ZNF234: variants seen among roughly 807,000 people sequenced by gnomAD.
ZNF234 encodes C2-H2 type zinc finger protein.
ZNF234 carries 4 observed loss-of-function variants against 10.3 expected under a neutral mutation model. The observed-to-expected ratio is 0.39, with a 90% CI of 0.19 to 0.89. ZNF234 has a LOEUF of 0.89. Ranked by LOEUF, ZNF234 falls within the 40% of genes least tolerant of loss-of-function variation. The probability of loss-of-function intolerance (pLI) is 0.38; values close to 1 mark genes in which losing one functional copy is unlikely to be tolerated. For synonymous variants in ZNF234, 258 were observed against 280.1 expected (o/e 0.92, Z 0.79); for missense variants, 711 against 836.1 (o/e 0.85, Z 1.85).
At position 44,151,635 on chromosome 19, in the gene ZNF234, G is replaced by A. The variant is rs182125799; in HGVS notation, c.235+1130G>A. ...TACGCTGAAATCAAGCTGTCAGCCC[G>A]TCCCTGTTTCTTCCCGGAGGCTCTA... is the stretch of plus-strand genomic sequence containing the variant. On this transcript the variant is annotated intron_variant, in intron 5 of 5. Coordinates refer to ENST00000426739, the MANE Select transcript of ZNF234 (RefSeq NM_006630.3). 7.2e-5 allele frequency among the ~76,000 whole-genome samples: 11 copies of A among 152,218 alleles called. 1 individual carries two copies. Among genetic ancestry groups the A allele is most frequent in the African/African-American group, 1.7e-4 (7 of 41,554 alleles).
Position 44,148,816 on chromosome 19 carries a change from G to A in ZNF234, c.61G>A (p.Glu21Lys). Residue 21 changes from glutamate to lysine, a missense_variant, in exon 4 of 6, where the codon GAG (glutamate) becomes AAG (lysine). Transcript: ENST00000426739. Reference protein sequence around the residue: ...KDVAVVFTEEELGLLDPVQRN... With the variant: ...KDVAVVFTEEKLGLLDPVQRN... The stretch of plus-strand genomic sequence containing the variant: ...TGTGGCTGTGGTCTTCACTGAGGAG[G>A]AGCTGGGGCTGCTGGACCCTGTCCA... The A allele has an allele frequency of 1.2e-6, 2 of 1,614,050 alleles. No homozygotes were observed. The highest frequency in any genetic ancestry group is 1.1e-5 in the South Asian group (1 of 91,086).
rs998905322 is a variant in ZNF234, at chr19:44,158,514, G to A, written c.*395G>A. 1.7e-4 allele frequency: 43 copies of A among 258,104 alleles called. No homozygotes were observed. The highest frequency in any genetic ancestry group is 9.7e-4 in the African/African-American group (42 of 43,120). The allele number at this position is 258,104 out of a possible 1,614,324, so 16.0% of individuals were successfully genotyped here. A position where few individuals can be genotyped will look rare whatever the true frequency, so the allele number is the denominator to read the frequency against. On this transcript the variant is annotated 3_prime_UTR_variant, in exon 6 of 6. Transcript: ENST00000426739. The stretch of plus-strand genomic sequence containing the variant: ...CCACCTCGGCCTCCCAAAGTGCTGG[G>A]ATTACAGGCATGAGCCACCGCCCCT...
At chr19:44,153,855 AT>A (rs1290357844) in intron 5 of ZNF234, among the ~76,000 whole-genome samples, 2 of 152,252 alleles carry the variant, frequency 1.3e-5, no homozygotes, top group Non-Finnish European at 2.9e-5. Flanking sequence ...TTTGACATGC[AT>A]TTATTGAGCA....
In ZNF234 at chr19:44,157,329, G is replaced by C; in HGVS notation, c.1313G>C (p.Arg438Pro). ...TGTGAAGTATGTGGTAAAGCCTTCCGTCAGAGTTCATATCTTAAAATCCAT... is the reference window on the plus strand; with the variant it reads ...TGTGAAGTATGTGGTAAAGCCTTCCCTCAGAGTTCATATCTTAAAATCCAT... ...YKCEVCGKAF[R>P]QSSYLKIHLK... Residue 438 changes from arginine (R) to proline (P), a missense_variant, in exon 6 of 6, where the codon CGT becomes CCT. Arg to Pro is a moderately radical substitution (Grantham distance 103, BLOSUM62 -2). Transcript: ENST00000426739. 6.2e-7 allele frequency: 1 copy of C among 1,613,950 alleles called. No individual in the cohort carries two copies. The highest frequency in any genetic ancestry group is 8.5e-7 in the Non-Finnish European group (1 of 1,179,886).
Position 44,148,904 on chromosome 19 carries a change from A to G in ZNF234, c.142+7A>G. 6.2e-7 allele frequency: 1 copy of G among 1,611,720 alleles called. No individual in the cohort carries two copies. Among genetic ancestry groups the G allele is most frequent in the South Asian group, 1.1e-5 (1 of 90,846 alleles). ...AGGAACCTGCTGTCAGTGGGTGAGG[A>G]CATGAGCTTTCTAACACTCAATGTC... On this transcript the variant is annotated splice_region_variant and intron_variant, in intron 4 of 5. Coordinates refer to ENST00000426739, the MANE Select transcript of ZNF234 (RefSeq NM_006630.3).
rs778744328 is a variant in ZNF234 at position 44,156,909 on chromosome 19, G to A, written c.893G>A (p.Arg298His). The A allele has an allele frequency of 1.6e-5, 26 of 1,613,872 alleles. No homozygotes were observed. The highest frequency in any genetic ancestry group is 1.6e-4 in the Middle Eastern group (1 of 6,084). ...TGTGATACATGTGGTAAGAACTTCC[G>A]TCGTAGATCAGCACTTAATAATCAT... Reference protein sequence around the residue: ...FKCDTCGKNFRRRSALNNHCM... With the variant: ...FKCDTCGKNFHRRSALNNHCM... Residue 298 changes from arginine (R) to histidine (H), a missense_variant, in exon 6 of 6, where the codon CGT becomes CAT. Arg to His is a conservative substitution (Grantham distance 29, BLOSUM62 0). Transcript: ENST00000426739.
intron 4 of ZNF234, chr19:44,149,667 A>G (rs1467850776): frequency 6.6e-6 from 1 of 152,128 alleles, no homozygotes; most frequent in African/African-American, 2.4e-5. Flanking sequence ...CCTATGAGGC[A>G]GGGGTTTGGG....
rs1968884960 is a variant in ZNF234 at position 44,156,459 on chromosome 19, A to C, written c.443A>C (p.Tyr148Ser). Residue 148 changes from tyrosine to serine, a missense_variant, in exon 6 of 6, where the codon TAC becomes TCC. Coordinates refer to ENST00000426739, the MANE Select transcript of ZNF234 (RefSeq NM_006630.3). ...ACAACTCACACAGGACAGAAATTTT[A>C]CCAATGTGATGAGTACAAAAAATCC... ...LYTTHTGQKFYQCDEYKKSFT... is the reference protein window; with the variant it reads ...LYTTHTGQKFSQCDEYKKSFT... 6.2e-7 allele frequency: 1 copy of C among 1,613,846 alleles called. No individual in the cohort carries two copies. The highest frequency in any genetic ancestry group is 8.5e-7 in the Non-Finnish European group (1 of 1,179,846).
At chr19:44,143,875 T>C (rs1968529010) in intron 2 of ZNF234, among the ~76,000 whole-genome samples, 1 of 152,222 alleles carries the variant, frequency 6.6e-6, no homozygotes, top group Non-Finnish European at 1.5e-5. Flanking sequence ...GTGGGCAACA[T>C]ACTGTAAAGA....
In ZNF234 at chr19:44,157,124, A is replaced by G; in HGVS notation, c.1108A>G (p.Lys370Glu). 1 of 1,614,210 alleles carries G rather than the reference A, an allele frequency of 6.2e-7. No homozygotes were observed. The highest frequency in any genetic ancestry group is 8.5e-7 in the Non-Finnish European group (1 of 1,180,026). ...QAHRRIHTGE[K>E]PYVCKVCGKG... ...CCATCGGAGAATCCACACTGGAGAG[A>G]AACCATACGTATGTAAAGTGTGTGG... The change falls in exon 6 of 6, where the codon AAA becomes GAA. Residue 370 changes from lysine to glutamate, a missense_variant. Transcript: ENST00000426739.
chr19:44,143,726 C>T (rs144209786), intron 2 of ZNF234, among the ~76,000 whole-genome samples: 1 of 151,976 alleles, frequency 6.6e-6, no homozygotes, highest in Non-Finnish European at 1.5e-5. Context: ...GCATGAGAAT[C>T]GCTTGAACCC....
rs1968991735 is a variant in ZNF234 at position 44,159,722 on chromosome 19, T to C, written c.*1603T>C. The C allele has an allele frequency of 4.8e-6, 2 of 413,632 alleles. No individual in the cohort carries two copies. The highest frequency in any genetic ancestry group is 2.4e-5 in the Admixed American group (1 of 41,458). 25.6% of individuals were successfully genotyped at this position (413,632 alleles called of 1,614,324 possible). A position where few individuals can be genotyped will look rare whatever the true frequency, so the allele number is the denominator to read the frequency against. On this transcript the variant is annotated 3_prime_UTR_variant, in exon 6 of 6. Coordinates refer to ENST00000426739, the MANE Select transcript of ZNF234 (RefSeq NM_006630.3). The stretch of plus-strand genomic sequence containing the variant: ...AGACTTTGACATGATTGCCGTCTAA[T>C]AACTGTAGCATTCTCTTATTAAAAC...
At chr19:44,152,698 A>C (rs945638472) in intron 5 of ZNF234, among the ~76,000 whole-genome samples, 7 of 152,130 alleles carry the variant, frequency 4.6e-5, no homozygotes, top group Non-Finnish European at 8.8e-5. Flanking sequence ...AGCTCCCCCC[A>C]CAAGAAGATA....
At position 44,158,092 on chromosome 19, in the gene ZNF234, G is replaced by C. The variant is rs1322806578; in HGVS notation, c.2076G>C (p.Leu692Phe). The change falls in exon 6 of 6, where the codon TTG (leucine) becomes TTC (phenylalanine). Residue 692 changes from leucine to phenylalanine, a missense_variant. Coordinates refer to ENST00000426739, the MANE Select transcript of ZNF234 (RefSeq NM_006630.3). ...NDENSKNIRE[L>F]SEGGSSTR is the part of the protein sequence containing the mutation. ...AGAATAGTAAGAACATCAGAGAGTT[G>C]TCAGAGGGAGGAAGTTCTACAAGGT... 6.2e-7 allele frequency: 1 copy of C among 1,602,802 alleles called. No individual in the cohort carries two copies. Among genetic ancestry groups the C allele is most frequent in the East Asian group, 2.2e-5 (1 of 44,730 alleles).
At chr19:44,147,856 A>C (rs976093358) in intron 3 of ZNF234, among the ~76,000 whole-genome samples, 14 of 152,204 alleles carry the variant, frequency 9.2e-5, no homozygotes, top group African/African-American at 3.4e-4. Flanking sequence ...CTGTCTCAAA[A>C]AAAAGAAAAA....
chr19:44,142,553 G>A (rs1234067862), intron 2 of ZNF234, among the ~76,000 whole-genome samples, 186 bp downstream of exon 2: 1 of 152,166 alleles, frequency 6.6e-6, no homozygotes, highest in Admixed American at 6.5e-5. Context: ...AGTAGTAAGA[G>A]GTGAAACTTG....
Position 44,158,669 on chromosome 19 carries a change from A to G in ZNF234, c.*550A>G, listed in dbSNP as rs1968970821. The G allele has an allele frequency of 1.2e-5, 2 of 162,164 alleles. No individual in the cohort carries two copies. The highest frequency in any genetic ancestry group is 1.2e-4 in the Admixed American group (2 of 17,084). The allele number at this position is 162,164 out of a possible 1,614,324, so 10.0% of individuals were successfully genotyped here. A position where few individuals can be genotyped will look rare whatever the true frequency, so the allele number is the denominator to read the frequency against. ...TATCCCAGTGGTCCAGTGACCACAC[A>G]GCTGAGAACCCTTGTTAAGTGGTAC... On this transcript the variant is annotated 3_prime_UTR_variant, in exon 6 of 6. Coordinates refer to ENST00000426739, the MANE Select transcript of ZNF234 (RefSeq NM_006630.3).
intron 5 of ZNF234, 136 bp downstream of exon 5, chr19:44,150,641 C>A: frequency 1.6e-6 from 1 of 619,472 alleles, no homozygotes; most frequent in Non-Finnish European, 2.8e-6. Flanking sequence ...GTACTGGGCG[C>A]ACTGCATCCA....
chr19:44,159,672 T>C lies in ZNF234; in HGVS notation c.*1553T>C, dbSNP rs1215676760. The C allele has an allele frequency of 9.0e-6, 4 of 445,870 alleles. No homozygotes were observed. Among genetic ancestry groups the C allele is most frequent in the African/African-American group, 2.0e-5 (1 of 50,416 alleles). 27.6% of individuals were successfully genotyped at this position (445,870 alleles called of 1,614,324 possible). On this transcript the variant is annotated 3_prime_UTR_variant, in exon 6 of 6. Transcript: ENST00000426739. ...TATCAGCCCCCTTGAATTTATTTGA[T>C]TTCTGACTTTCCACATTTCCATCCA...
Sources: allele counts gnomAD v4.1 joint callset (sites outside exome capture counted in the v4.1 genomes callset), GRCh38; gene constraint gnomAD v4.1.1; transcripts MANE v1.5; gene names NCBI Gene and HGNC (gene_info 2026-07-23, HGNC 2026-07-21).